DYNC2I1: variants seen among roughly 807,000 people sequenced by gnomAD.
The protein encoded by DYNC2I1 is cytoplasmic dynein 2 intermediate chain 1.
In DYNC2I1, 89 loss-of-function variants were observed where a neutral mutation model predicts 133.4. The ratio of observed to expected loss-of-function variants is 0.67; its 90% confidence interval spans 0.56 to 0.80. The LOEUF (loss-of-function observed/expected upper bound fraction) is 0.80. DYNC2I1 is among the 30% of genes least tolerant of loss of function. The pLI is 0.00. For synonymous variants in DYNC2I1, 504 were observed against 484.3 expected (o/e 1.04, Z -0.54); for missense variants, 1,291 against 1,314.5 (o/e 0.98, Z 0.28).
At chr7:158,870,687 T>G (rs567845180) in intron 2 of DYNC2I1, among the ~76,000 whole-genome samples, 1 of 152,224 alleles carries the variant, frequency 6.6e-6, no homozygotes, top group East Asian at 1.9e-4. Flanking sequence ...TTATTTTTTT[T>G]GAATTTTACT....
rs1350992939 is a variant in DYNC2I1 at position 158,876,667 on chromosome 7, A to G, written c.549A>G (p.Arg183=). ...DEDSERGDED[R]ERRYRERKLQ... ...ACTCTGAAAGAGGAGATGAAGATAG[A>G]GAAAGAAGATACCGAGAAAGAAAGG... The change falls in exon 4 of 25, where the codon AGA becomes AGG. Residue 183 remains arginine, a synonymous_variant. Coordinates refer to ENST00000407559, the MANE Select transcript of DYNC2I1 (RefSeq NM_018051.5). 1.3e-6 allele frequency: 2 copies of G among 1,577,252 alleles called. No individual in the cohort carries two copies. The highest frequency in any genetic ancestry group is 2.3e-5 in the East Asian group (1 of 44,050).
At chr7:158,871,989 A>G (rs924494763) in intron 3 of DYNC2I1, among the ~76,000 whole-genome samples, 2 of 151,938 alleles carry the variant, frequency 1.3e-5, no homozygotes, top group African/African-American at 4.8e-5. Context: ...GTGTGTGTGT[A>G]CTTTTTATCA....
chr7:158,894,458 C>T (rs897067070), intron 8 of DYNC2I1, among the ~76,000 whole-genome samples: 1 of 152,202 alleles, frequency 6.6e-6, no homozygotes, highest in Non-Finnish European at 1.5e-5. Context: ...GTAGCCTTTT[C>T]CAGATTGGCT....
intron 1 of DYNC2I1, among the ~76,000 whole-genome samples, chr7:158,858,252 G>A (rs541871665): frequency 6.6e-6 from 1 of 152,226 alleles, no homozygotes; most frequent in Admixed American, 6.5e-5. Context: ...CATTGTCCGT[G>A]ATTTGTTTAT....
At chr7:158,875,478 T>G (rs1396384453) in intron 3 of DYNC2I1, among the ~76,000 whole-genome samples, 1 of 152,230 alleles carries the variant, frequency 6.6e-6, no homozygotes, top group Non-Finnish European at 1.5e-5. Flanking sequence ...GTGTCCACTC[T>G]CTGAATTTTA....
intron 1 of DYNC2I1, among the ~76,000 whole-genome samples, chr7:158,868,581 C>G (rs1414988556): frequency 6.6e-6 from 1 of 152,188 alleles, no homozygotes; most frequent in Non-Finnish European, 1.5e-5. Flanking sequence ...TCGGTGTGTG[C>G]GAGGAGCTTG....
chr7:158,909,269 T>G (rs1847140606), intron 11 of DYNC2I1, among the ~76,000 whole-genome samples: 1 of 141,290 alleles, frequency 7.1e-6, no homozygotes, highest in South Asian at 2.2e-4. Flanking sequence ...AGGTGGAGGT[T>G]GCAGCGAGCT....
intron 24 of DYNC2I1, among the ~76,000 whole-genome samples, chr7:158,944,505 G>A (rs112456565): frequency 1.1e-4 from 17 of 152,258 alleles, no homozygotes; most frequent in Middle Eastern, 3.4e-3. Flanking sequence ...CTTTACACAC[G>A]CAATTGAATA....
At chr7:158,909,201 C>T (rs1196744970) in intron 11 of DYNC2I1, among the ~76,000 whole-genome samples, 2 of 151,854 alleles carry the variant, frequency 1.3e-5, no homozygotes, top group Non-Finnish European at 2.9e-5. Flanking sequence ...CATGGTGGCA[C>T]ATGCCTGTAA....
intron 1 of DYNC2I1, among the ~76,000 whole-genome samples, chr7:158,863,099 A>G (rs1422185980): frequency 9.8e-6 from 1 of 102,524 alleles, no homozygotes; most frequent in Admixed American, 1.5e-4. Context: ...GGACCCAAGC[A>G]GGTTGCCACT....
chr7:158,876,168 A>C (rs1206450156), intron 3 of DYNC2I1, among the ~76,000 whole-genome samples: 2 of 152,202 alleles, frequency 1.3e-5, no homozygotes, highest in East Asian at 3.8e-4. Flanking sequence ...GGTGAAGGGA[A>C]GCAGTCACGT....
the DYNC2I1 span, among the ~76,000 whole-genome samples, chr7:158,844,090 C>T: frequency 6.6e-6 from 1 of 152,210 alleles, no homozygotes; most frequent in South Asian, 2.1e-4. Context: ...ATGTGAATTA[C>T]AGCCATCGGT....
downstream of DYNC2I1, among the ~76,000 whole-genome samples, chr7:158,957,733 C>T (rs557408872): frequency 1.6e-4 from 25 of 152,266 alleles, no homozygotes; most frequent in African/African-American, 6.0e-4. Flanking sequence ...CCCCGGGGAG[C>T]AAATGCACTC....
At chr7:158,884,865 A>AT (rs924783698) in intron 6 of DYNC2I1, among the ~76,000 whole-genome samples, 2 of 152,012 alleles carry the variant, frequency 1.3e-5, no homozygotes, top group Non-Finnish European at 2.9e-5. Flanking sequence ...TTATATTTTA[A>AT]TTTTTTCATT....
At chr7:158,894,504 T>C (rs1210893889) in intron 8 of DYNC2I1, among the ~76,000 whole-genome samples, 5 of 152,250 alleles carry the variant, frequency 3.3e-5, no homozygotes, top group African/African-American at 1.2e-4. Context: ...AAGGTCCCCC[T>C]GTGTCTCTTC....
chr7:158,933,771 T>G (rs6965685), intron 21 of DYNC2I1, among the ~76,000 whole-genome samples: 3 of 152,068 alleles, frequency 2.0e-5, no homozygotes, highest in African/African-American at 7.2e-5. Flanking sequence ...CATGAAGAAA[T>G]AGTCTACCTT....
intron 1 of DYNC2I1, among the ~76,000 whole-genome samples, chr7:158,865,985 A>G (rs1160200632): frequency 1.3e-5 from 2 of 152,190 alleles, no homozygotes; most frequent in Non-Finnish European, 2.9e-5. Context: ...CTGTGCATTT[A>G]AGAAAATGGC....
At chr7:158,953,718 GTA>G (rs901011267) in intron 4 of DYNC2I1, among the ~76,000 whole-genome samples, 3 of 151,950 alleles carry the variant, frequency 2.0e-5, no homozygotes, top group African/African-American at 4.8e-5. Context: ...ATGCGTGTGT[GTA>G]TATATATGTT....
chr7:158,926,716 A>G (rs1362549915), intron 19 of DYNC2I1, among the ~76,000 whole-genome samples: 1 of 152,246 alleles, frequency 6.6e-6, no homozygotes, highest in East Asian at 1.9e-4. Context: ...AGAAGGGAAC[A>G]AAATGTTAGG....
Sources: gnomAD v4.1 joint callset for allele counts (sites outside exome capture counted in the v4.1 genomes callset) on GRCh38, gnomAD v4.1.1 for gene constraint, MANE v1.5 for transcripts, NCBI Gene and HGNC (gene_info 2026-07-23, HGNC 2026-07-21) for gene names.